Variants in CCDC178 observed in about 807,000 individuals in gnomAD.
The protein encoded by CCDC178 is coiled-coil domain containing 178, also known as coiled-coil domain-containing protein 178.
In CCDC178, 126 loss-of-function variants were observed where a neutral mutation model predicts 117.4. That is an observed-to-expected ratio of 1.07 (90% CI 0.93 to 1.24). The LOEUF is 1.24. Among genes scored for constraint, CCDC178 ranks in the 50% most tolerant of loss-of-function variants. The pLI, the probability that CCDC178 is intolerant of heterozygous loss-of-function variation, is 0.00. For missense variants in CCDC178, 1,030 were observed against 986.9 expected (o/e 1.04, Z -0.59); for synonymous variants, 283 against 313.4 (o/e 0.90, Z 1.02).
At chr18:33,369,844 G>A (rs1032673454) in intron 6 of CCDC178, among the ~76,000 whole-genome samples, 10 of 151,852 alleles carry the variant, frequency 6.6e-5, no homozygotes, top group South Asian at 2.1e-4. Context: ...AAAAAACATC[G>A]ATTTAATAAG....
chr18:33,218,192 A>T (rs2059190518), intron 18 of CCDC178, among the ~76,000 whole-genome samples: 1 of 141,960 alleles, frequency 7.0e-6, no homozygotes, highest in African/African-American at 2.4e-5. Context: ...CACATTTGAC[A>T]TACATCTAGA....
intron 10 of CCDC178, among the ~76,000 whole-genome samples, chr18:33,329,740 G>C (rs1000318617): frequency 5.3e-5 from 8 of 152,052 alleles, no homozygotes; most frequent in Non-Finnish European, 1.2e-4. Flanking sequence ...AAGGTATACT[G>C]GTCTATAATT....
At chr18:33,390,330 T>A (rs896998815) in intron 4 of CCDC178, among the ~76,000 whole-genome samples, 3 of 151,876 alleles carry the variant, frequency 2.0e-5, no homozygotes, top group Non-Finnish European at 4.4e-5. Flanking sequence ...ACTCCAGTCC[T>A]AAGCTTTTAA....
intron 10 of CCDC178, among the ~76,000 whole-genome samples, chr18:33,326,966 G>T (rs1335989123): frequency 6.6e-6 from 1 of 151,874 alleles, no homozygotes; most frequent in Non-Finnish European, 1.5e-5. Context: ...ACTGGCTAGG[G>T]GTTTTGAATT....
chr18:33,003,044 C>T (rs1305453934), intron 21 of CCDC178, among the ~76,000 whole-genome samples: 2 of 152,054 alleles, frequency 1.3e-5, no homozygotes, highest in East Asian at 3.8e-4. Flanking sequence ...AAAAGTCTCC[C>T]AGCAAAGAAA....
chr18:33,083,685 A>C (rs888926939), intron 21 of CCDC178, among the ~76,000 whole-genome samples: 1 of 152,250 alleles, frequency 6.6e-6, no homozygotes, highest in African/African-American at 2.4e-5. Context: ...TAGAGAAGTT[A>C]TCTTTTAAGG....
intron 7 of CCDC178, among the ~76,000 whole-genome samples, chr18:33,351,248 A>G (rs1259589194): frequency 1.3e-5 from 2 of 151,180 alleles, no homozygotes; most frequent in African/African-American, 4.9e-5. Context: ...GTTGGAGTGC[A>G]GTGGAGCGAT....
At chr18:33,251,141 TAGAA>T (rs1294844658) in intron 14 of CCDC178, among the ~76,000 whole-genome samples, 1 of 151,510 alleles carries the variant, frequency 6.6e-6, no homozygotes, top group Non-Finnish European at 1.5e-5. Flanking sequence ...ACAAAAAAAA[TAGAA>T]AGAGATGAGT....
chr18:33,123,941 A>C (rs1014610051), intron 20 of CCDC178, among the ~76,000 whole-genome samples: 1 of 152,196 alleles, frequency 6.6e-6, no homozygotes, highest in African/African-American at 2.4e-5. Context: ...GAATATCTCA[A>C]CTGTACCTGA....
intron 6 of CCDC178, among the ~76,000 whole-genome samples, chr18:33,361,474 C>CA (rs776524608): frequency 1.3e-5 from 2 of 149,518 alleles, no homozygotes; most frequent in Non-Finnish European, 3.0e-5. Context: ...ACTTCAAAGA[C>CA]AAAAATACAG....
intron 4 of CCDC178, among the ~76,000 whole-genome samples, chr18:33,394,959 A>ATATATATGTG (rs1568198943): frequency 7.7e-6 from 1 of 130,290 alleles, no homozygotes; most frequent in African/African-American, 2.8e-5. Flanking sequence ...ATATATATAT[A>ATATATATGTG]TATATATATA....
At chr18:32,964,025 TATCAATCAA>T (rs2054760850) in intron 22 of CCDC178, among the ~76,000 whole-genome samples, 1 of 152,062 alleles carries the variant, frequency 6.6e-6, no homozygotes, top group African/African-American at 2.4e-5. Context: ...ATTTTACCCA[TATCAATCAA>T]AATGGAATTG....
At chr18:33,210,366 G>A (rs1346775447) in intron 20 of CCDC178, among the ~76,000 whole-genome samples, 3 of 151,942 alleles carry the variant, frequency 2.0e-5, no homozygotes, top group Non-Finnish European at 4.4e-5. Context: ...GTTGGGAGTA[G>A]AAAGGCAGGG....
chr18:33,254,651 A>C (rs2059657657), intron 14 of CCDC178, among the ~76,000 whole-genome samples: 1 of 152,020 alleles, frequency 6.6e-6, no homozygotes, highest in South Asian at 2.1e-4. Flanking sequence ...GGGAATAGCT[A>C]ATGTCTGAGC....
At chr18:33,169,365 A>G (rs1355836003) in intron 20 of CCDC178, among the ~76,000 whole-genome samples, 1 of 152,138 alleles carries the variant, frequency 6.6e-6, no homozygotes, top group Non-Finnish European at 1.5e-5. Flanking sequence ...TAATAGAAAA[A>G]TTTGGCTGGT....
chr18:33,216,636 A>G (rs112386577), intron 18 of CCDC178, among the ~76,000 whole-genome samples: 41 of 152,200 alleles, frequency 2.7e-4, no homozygotes, highest in African/African-American at 9.4e-4. Context: ...CAAGAATAAC[A>G]ACTAATATTT....
At chr18:33,166,649 C>A (rs2058533595) in intron 20 of CCDC178, among the ~76,000 whole-genome samples, 1 of 152,162 alleles carries the variant, frequency 6.6e-6, no homozygotes, top group African/African-American at 2.4e-5. Flanking sequence ...ACCTCTCTGT[C>A]CCCATCATCT....
Position 33,389,588 on chromosome 18 carries a change from T to C in CCDC178, c.160A>G (p.Lys54Glu), listed in dbSNP as rs765529210. The change falls in exon 5 of 23, where the codon AAG (lysine) becomes GAG (glutamate). Residue 54 changes from lysine (K) to glutamate (E), a missense_variant. Transcript: ENST00000383096. ...SQSLVLYGAS[K>E]ENSEGFHESK... ...TCATGAAAACCTTCACTGTTCTCCT[T>C]AGAGGCTCCATATAGAACCAAACTT... The C allele has an allele frequency of 6.5e-7, 1 of 1,530,000 alleles. No individual in the cohort carries two copies. The highest frequency in any genetic ancestry group is 8.8e-7 in the Non-Finnish European group (1 of 1,141,130). 94.8% of individuals were successfully genotyped at this position (1,530,000 alleles called of 1,614,324 possible).
At chr18:33,055,581 A>T (rs1316200338) in intron 21 of CCDC178, among the ~76,000 whole-genome samples, 2 of 152,064 alleles carry the variant, frequency 1.3e-5, no homozygotes, top group African/African-American at 4.8e-5. Flanking sequence ...GTCCTGACTC[A>T]GTCTCCCAAA....
Sources: gnomAD v4.1 joint callset for allele counts (sites outside exome capture counted in the v4.1 genomes callset) on GRCh38, gnomAD v4.1.1 for gene constraint, MANE v1.5 for transcripts, NCBI Gene and HGNC (gene_info 2026-07-23, HGNC 2026-07-21) for gene names.